The following PKHD1 variants were observed in gnomAD, a reference collection of about 807,000 sequenced individuals.
The protein encoded by PKHD1 is fibrocystin.
A neutral mutation model predicts 412.0 loss-of-function variants in PKHD1; 291 were observed. The observed-to-expected ratio is 0.71, with a 90% confidence interval of 0.64 to 0.78. The LOEUF (loss-of-function observed/expected upper bound fraction) is 0.78, where lower values mean the gene tolerates loss of function less well. Ranked by LOEUF, PKHD1 falls within the 30% of genes least tolerant of loss-of-function variation. The pLI is 0.00. For synonymous variants in PKHD1, 1,777 were observed against 1,821.5 expected (o/e 0.98, Z 0.62); for missense variants, 4,825 against 4,950.7 (o/e 0.97, Z 0.76).
At chr6:52,066,865 A>G (rs1809800768) in intron 11 of PKHD1, among the ~76,000 whole-genome samples, 1 of 152,132 alleles carries the variant, frequency 6.6e-6, no homozygotes, top group Admixed American at 6.5e-5. Context: ...GTGCCACTGC[A>G]CTCCAGCCTG....
intron 65 of PKHD1, among the ~76,000 whole-genome samples, chr6:51,629,268 TA>T (rs1767644076): frequency 6.6e-6 from 1 of 151,182 alleles, no homozygotes; most frequent in Admixed American, 6.6e-5. Flanking sequence ...GTCAACAGAG[TA>T]AACAAACAAC....
chr6:52,015,389 C>T (rs930256521), intron 34 of PKHD1, among the ~76,000 whole-genome samples: 1 of 152,196 alleles, frequency 6.6e-6, no homozygotes, highest in Non-Finnish European at 1.5e-5. Context: ...ATTCGTGAAT[C>T]GGCAAATTGT....
chr6:51,709,921 G>A (rs555853574), intron 60 of PKHD1, among the ~76,000 whole-genome samples: 155 of 148,798 alleles, frequency 1.0e-3, no homozygotes, highest in African/African-American at 3.7e-3. Flanking sequence ...TGATTTAAAA[G>A]GAATTGGCTG....
intron 60 of PKHD1, among the ~76,000 whole-genome samples, chr6:51,740,463 A>T (rs1267918237): frequency 2.0e-5 from 3 of 152,234 alleles, no homozygotes; most frequent in South Asian, 4.1e-4. Context: ...TGTTTAAAAA[A>T]ATATGGAAAG....
chr6:51,953,836 T>C (rs1010961917), intron 36 of PKHD1, among the ~76,000 whole-genome samples: 4 of 152,094 alleles, frequency 2.6e-5, no homozygotes, highest in African/African-American at 9.7e-5. Flanking sequence ...AATGAGATCA[T>C]GTTCCAAGCT....
chr6:51,783,246 T>C (rs1055148016), intron 53 of PKHD1, among the ~76,000 whole-genome samples: 2 of 152,064 alleles, frequency 1.3e-5, no homozygotes, highest in Non-Finnish European at 2.9e-5. Flanking sequence ...GGGATACCAA[T>C]GGTTGGGGCA....
chr6:51,728,086 G>A (rs940936351), intron 60 of PKHD1, among the ~76,000 whole-genome samples: 12 of 152,184 alleles, frequency 7.9e-5, no homozygotes, highest in African/African-American at 1.9e-4. Context: ...TGTCAAGCAC[G>A]CACCATGCTT....
chr6:52,061,428 C>G (rs2128217787), intron 14 of PKHD1, among the ~76,000 whole-genome samples: 1 of 152,206 alleles, frequency 6.6e-6, no homozygotes, highest in African/African-American at 2.4e-5. Context: ...CTCAGCCTCC[C>G]AAGTAGATGG....
Position 51,686,107 on chromosome 6 carries a change from T to C in PKHD1, c.10157-26138A>G, listed in dbSNP as rs543890523. The stretch of plus-strand genomic sequence containing the variant: ...TAATTCACTCTGAAATTGACAGCAT[T>C]GTCCTAGATGGATGGCATGCTTGGA... On this transcript the variant is annotated intron_variant, in intron 60 of 66. Coordinates refer to ENST00000371117, the MANE Select transcript of PKHD1 (RefSeq NM_138694.4). Among the ~76,000 whole-genome samples the C allele has an allele frequency of 1.1e-3, 162 of 152,256 alleles. 1 individual carries two copies. Among genetic ancestry groups the C allele is most frequent in the African/African-American group, 2.9e-3 (121 of 41,568 alleles).
At chr6:51,995,188 G>A (rs1797583215) in intron 35 of PKHD1, among the ~76,000 whole-genome samples, 1 of 152,118 alleles carries the variant, frequency 6.6e-6, no homozygotes, top group African/African-American at 2.4e-5. Context: ...AGCTCCAAGA[G>A]AACAGCAGCT....
chr6:51,971,977 C>A (rs1199228780), intron 35 of PKHD1, among the ~76,000 whole-genome samples: 4 of 152,214 alleles, frequency 2.6e-5, no homozygotes, highest in Admixed American at 2.6e-4. Context: ...AGCAATCCGT[C>A]CAGCTCGGCC....
At chr6:51,623,217 G>A (rs942859299) in intron 66 of PKHD1, among the ~76,000 whole-genome samples, 5 of 152,006 alleles carry the variant, frequency 3.3e-5, no homozygotes, top group African/African-American at 9.7e-5. Context: ...GAAAAACTGA[G>A]GCATTTGCAA....
chr6:51,855,748 T>C (rs753573283), intron 49 of PKHD1, 145 bp downstream of exon 49: 17 of 716,712 alleles, frequency 2.4e-5, no homozygotes, highest in Non-Finnish European at 3.7e-5. Context: ...CAAAATACTA[T>C]TGAAGTTTTC....
intron 18 of PKHD1, among the ~76,000 whole-genome samples, chr6:52,056,032 G>T (rs892950962): frequency 6.6e-6 from 1 of 152,154 alleles, no homozygotes; most frequent in Non-Finnish European, 1.5e-5. Flanking sequence ...ATTCTTTGTT[G>T]TAGGGGCTGT....
intron 53 of PKHD1, among the ~76,000 whole-genome samples, chr6:51,782,514 TG>T (rs944416328): frequency 2.0e-5 from 3 of 152,186 alleles, no homozygotes; most frequent in Non-Finnish European, 4.4e-5. Flanking sequence ...AATGGTTAAA[TG>T]GTTAAATAAG....
In PKHD1 at chr6:51,659,855, A is replaced by G. The variant is rs1772540643; in HGVS notation, c.10271T>C (p.Ile3424Thr). The change falls in exon 61 of 67, where the codon ATT (isoleucine) becomes ACT (threonine). Residue 3424 changes from isoleucine to threonine, a missense_variant. Ile to Thr is a moderately conservative substitution (Grantham distance 89, BLOSUM62 -1). Coordinates refer to ENST00000371117, the MANE Select transcript of PKHD1 (RefSeq NM_138694.4). Reference sequence around the variant, plus strand: ...AGATACAACTGGATATAACTTCTGAATTGCCCAAATGGCATCAGCGCTATC... The same window carrying G: ...AGATACAACTGGATATAACTTCTGAGTTGCCCAAATGGCATCAGCGCTATC... ...ILDSADAIWA[I>T]QKLYPVVSVT... 2 of 1,613,674 alleles carry G rather than the reference A, an allele frequency of 1.2e-6. No homozygotes were observed. The highest frequency in any genetic ancestry group is 1.1e-5 in the South Asian group (1 of 91,082).
intron 13 of PKHD1, among the ~76,000 whole-genome samples, chr6:52,063,380 G>A (rs541763023): frequency 5.1e-4 from 77 of 151,954 alleles, no homozygotes; most frequent in Non-Finnish European, 9.3e-4. Flanking sequence ...ATCAAAATGG[G>A]ACCAATAATA....
chr6:51,868,808 G>A (rs1036147992), intron 47 of PKHD1, among the ~76,000 whole-genome samples: 35 of 152,042 alleles, frequency 2.3e-4, no homozygotes, highest in African/African-American at 7.7e-4. Flanking sequence ...CTAAGTATTA[G>A]CTGTAGGGCC....
chr6:51,781,531 G>A (rs547122773), intron 53 of PKHD1, among the ~76,000 whole-genome samples: 3 of 152,032 alleles, frequency 2.0e-5, no homozygotes, highest in Middle Eastern at 6.8e-3. Context: ...CCTCCATAAG[G>A]TCGAGCAAAT....
Sources: gnomAD v4.1 joint callset for allele counts (sites outside exome capture counted in the v4.1 genomes callset) on GRCh38, gnomAD v4.1.1 for gene constraint, MANE v1.5 for transcripts, NCBI Gene and HGNC (gene_info 2026-07-23, HGNC 2026-07-21) for gene names.